NXPE2: variants seen among roughly 807,000 people sequenced by gnomAD.
NXPE2 encodes NXPE family member 2.
Under a neutral mutation model 34.4 loss-of-function variants are expected in NXPE2, and 34 were observed. That is an observed-to-expected ratio of 0.99 (90% CI 0.75 to 1.31). NXPE2 has a LOEUF of 1.31. NXPE2 is among the 40% of genes most tolerant of loss of function. The pLI is 0.00. For synonymous variants in NXPE2, 235 were observed against 231.3 expected (o/e 1.02, Z -0.15); for missense variants, 649 against 672.5 (o/e 0.97, Z 0.39).
At chr11:114,758,472 T>C in the NXPE2 span, among the ~76,000 whole-genome samples, 1 of 152,208 alleles carries the variant, frequency 6.6e-6, no homozygotes, top group Non-Finnish European at 1.5e-5. Flanking sequence ...ATGAGTGAAC[T>C]CATTGAGATA....
chr11:114,653,533 CT>C, the NXPE2 span, among the ~76,000 whole-genome samples: 72,222 of 103,456 alleles, frequency 0.7, 25,957 homozygotes, highest in Non-Finnish European at 0.79. Flanking sequence ...CCTGCTTTCC[CT>C]TTTTTTTTTT....
At chr11:114,637,056 A>C in the NXPE2 span, among the ~76,000 whole-genome samples, 1 of 151,984 alleles carries the variant, frequency 6.6e-6, no homozygotes, top group South Asian at 2.1e-4. Context: ...TAATGTTGAC[A>C]GTGGGGTGTT....
the NXPE2 span, among the ~76,000 whole-genome samples, chr11:114,654,672 A>C: frequency 6.6e-6 from 1 of 152,226 alleles, no homozygotes; most frequent in Non-Finnish European, 1.5e-5. Flanking sequence ...ATGGATGCAT[A>C]GTATTCCATG....
chr11:114,478,603 A>C, the NXPE2 span, among the ~76,000 whole-genome samples: 1 of 152,132 alleles, frequency 6.6e-6, no homozygotes, highest in Non-Finnish European at 1.5e-5. Flanking sequence ...ATTTGATCTC[A>C]CTGGAGACTA....
At chr11:114,802,775 T>A in the NXPE2 span, among the ~76,000 whole-genome samples, 1 of 152,188 alleles carries the variant, frequency 6.6e-6, no homozygotes, top group Non-Finnish European at 1.5e-5. Context: ...GGGGTTTTAG[T>A]TCTTCCTCTT....
At chr11:114,597,533 G>A in the NXPE2 span, among the ~76,000 whole-genome samples, 3 of 152,070 alleles carry the variant, frequency 2.0e-5, no homozygotes, top group African/African-American at 7.2e-5. Flanking sequence ...TGCATACATG[G>A]GTTCATGCAC....
the NXPE2 span, among the ~76,000 whole-genome samples, chr11:114,786,882 A>G: frequency 6.6e-6 from 1 of 152,024 alleles, no homozygotes; most frequent in East Asian, 1.9e-4. Flanking sequence ...ATACAGCCTC[A>G]CACACTGCTT....
At chr11:114,526,282 T>C in the NXPE2 span, among the ~76,000 whole-genome samples, 2 of 152,296 alleles carry the variant, frequency 1.3e-5, no homozygotes, top group East Asian at 3.9e-4. Flanking sequence ...TATAAGATGA[T>C]ATATTTTTGT....
At chr11:114,493,620 C>CT in the NXPE2 span, among the ~76,000 whole-genome samples, 2 of 152,106 alleles carry the variant, frequency 1.3e-5, no homozygotes, top group Admixed American at 1.3e-4. Flanking sequence ...GAACACTACA[C>CT]TTTATCTTCT....
At chr11:114,621,609 C>A in the NXPE2 span, among the ~76,000 whole-genome samples, 1 of 152,218 alleles carries the variant, frequency 6.6e-6, no homozygotes, top group South Asian at 2.1e-4. Flanking sequence ...TCTAGGGTAA[C>A]CACTGTGACC....
the NXPE2 span, chr11:114,553,621 C>T: frequency 1.5e-6 from 1 of 686,854 alleles, no homozygotes; most frequent in Non-Finnish European, 1.8e-6. Context: ...CCATAAGTAA[C>T]TGCAAATCAG....
the NXPE2 span, among the ~76,000 whole-genome samples, chr11:114,772,234 G>A: frequency 6.6e-6 from 1 of 152,198 alleles, no homozygotes; most frequent in South Asian, 2.1e-4. Context: ...AAAAAGGGAA[G>A]TTGGGAATGG....
chr11:114,501,802 T>C, the NXPE2 span, among the ~76,000 whole-genome samples: 1 of 152,118 alleles, frequency 6.6e-6, no homozygotes, highest in Admixed American at 6.5e-5. Context: ...GTGAGAACAT[T>C]AGAATGAATG....
the NXPE2 span, among the ~76,000 whole-genome samples, chr11:114,740,078 A>C: frequency 6.6e-6 from 1 of 152,216 alleles, no homozygotes; most frequent in African/African-American, 2.4e-5. Flanking sequence ...TGCCTATGAT[A>C]AAGTTTAATA....
intron 2 of NXPE2, among the ~76,000 whole-genome samples, chr11:114,686,238 C>T (rs1951044230): frequency 6.6e-6 from 1 of 151,740 alleles, no homozygotes; most frequent in Non-Finnish European, 1.5e-5. Context: ...AACATAGTAC[C>T]CAATAGGTAG....
chr11:114,569,675 C>T, the NXPE2 span, among the ~76,000 whole-genome samples: 17 of 152,214 alleles, frequency 1.1e-4, no homozygotes, highest in African/African-American at 3.6e-4. Context: ...TCACTCTGGC[C>T]GTAGTGTAGT....
At chr11:114,674,470 G>A (rs1950835284), upstream of NXPE2, among the ~76,000 whole-genome samples, 1 of 151,510 alleles carries the variant, frequency 6.6e-6, no homozygotes, top group African/African-American at 2.4e-5. Context: ...ACTTTAAAAT[G>A]GATTTTAGAG....
chr11:114,790,312 G>A, the NXPE2 span, among the ~76,000 whole-genome samples: 1 of 152,118 alleles, frequency 6.6e-6, no homozygotes, highest in African/African-American at 2.4e-5. Context: ...CCTAATGTCA[G>A]ACCCTACAGT....
chr11:114,617,118 C>A, the NXPE2 span, among the ~76,000 whole-genome samples: 2 of 151,978 alleles, frequency 1.3e-5, no homozygotes, highest in Admixed American at 1.3e-4. Context: ...TCGTGGGTAA[C>A]CACTGTTACC....
Sources: gnomAD v4.1 joint callset for allele counts (sites outside exome capture counted in the v4.1 genomes callset) on GRCh38, gnomAD v4.1.1 for gene constraint, MANE v1.5 for transcripts, NCBI Gene and HGNC (gene_info 2026-07-23, HGNC 2026-07-21) for gene names.